The following HSD17B13 variants were observed in gnomAD, a reference collection of about 807,000 sequenced individuals.
HSD17B13 encodes the protein hydroxysteroid 17-beta dehydrogenase 13.
In HSD17B13, 26 loss-of-function variants were observed where a neutral mutation model predicts 31.1. The ratio of observed to expected loss-of-function variants is 0.84; its 90% CI spans 0.61 to 1.16. The LOEUF (loss-of-function observed/expected upper bound fraction) is 1.16. Ranked by LOEUF, HSD17B13 falls within the 50% of genes most tolerant of loss-of-function variation. The probability of loss-of-function intolerance (pLI) is 0.00; values close to 1 mark genes in which losing one functional copy is unlikely to be tolerated. For missense variants in HSD17B13, 374 were observed against 366.5 expected (o/e 1.02, Z -0.17); for synonymous variants, 141 against 133.7 (o/e 1.05, Z -0.38).
intron 3 of HSD17B13, 76 bp downstream of exon 3, chr4:87,317,016 A>G: frequency 6.9e-7 from 1 of 1,450,138 alleles, no homozygotes; most frequent in Non-Finnish European, 9.6e-7. Context: ...GTCCAGAAGT[A>G]TGTGAACTCC....
In HSD17B13 at chr4:87,310,164, ACT is replaced by A. The variant is rs201466064; in HGVS notation, c.812+77_812+78del. The A allele has an allele frequency of 5.4e-3, 7,840 of 1,440,018 alleles. 405 individuals carry two copies. The African/African-American group carries it at 0.11, about 21-fold the overall frequency. The allele number at this position is 1,440,018 out of a possible 1,614,324, so 89.2% of individuals were successfully genotyped here. On this transcript the variant is annotated intron_variant, in intron 6 of 6. Coordinates refer to ENST00000328546, the MANE Select transcript of HSD17B13 (RefSeq NM_178135.5). Reference sequence around the variant, plus strand: ...AATCCAGCCAGGGTGACAGAGTGAGACTCTGTCTAAAAAAAAAAAAAGCAAAA... The same window carrying A: ...AATCCAGCCAGGGTGACAGAGTGAGACTGTCTAAAAAAAAAAAAAGCAAAA...
At chr4:87,310,620 G>C (rs1734510440) in intron 5 of HSD17B13, among the ~76,000 whole-genome samples, 1 of 152,186 alleles carries the variant, frequency 6.6e-6, no homozygotes, top group African/African-American at 2.4e-5. Flanking sequence ...TGGTGGCGAG[G>C]CATTAGATGG....
rs58954508 is a variant in HSD17B13, at chr4:87,322,531, GA to G, written c.210+100del. On this transcript the variant is annotated intron_variant, in intron 1 of 6. Coordinates refer to ENST00000328546, the MANE Select transcript of HSD17B13 (RefSeq NM_178135.5). The stretch of plus-strand genomic sequence containing the variant: ...GGGACCAGGGAATTTATCAAACTTT[GA>G]AAAACAAAAATACAAAGATAAGTAG... 13,104 of 976,438 alleles carry G rather than the reference GA, an allele frequency of 0.013. 1,112 individuals are homozygous for G. The African/African-American group carries it at 0.19, about 14-fold the overall frequency. 60.5% of individuals were successfully genotyped at this position (976,438 alleles called of 1,614,324 possible). A position where few individuals can be genotyped will look rare whatever the true frequency, so the allele number is the denominator to read the frequency against.
chr4:87,317,276 T>A, intron 2 of HSD17B13, 53 bp from the exon 3 acceptor site: 1 of 1,580,544 alleles, frequency 6.3e-7, no homozygotes, highest in Non-Finnish European at 8.7e-7. Context: ...AACTCAAAGT[T>A]TTGGGACCAA....
chr4:87,318,485 TGGA>T, intron 1 of HSD17B13, 49 bp from the exon 2 acceptor site: 1 of 1,498,034 alleles, frequency 6.7e-7, no homozygotes, highest in Non-Finnish European at 9.3e-7. Flanking sequence ...GAGAAGACAT[TGGA>T]GAAGAAAAAT....
chr4:87,305,331 T>C (rs1188949201), intron 6 of HSD17B13, 23 bp from the exon 7 acceptor site: 7 of 1,474,394 alleles, frequency 4.7e-6, no homozygotes, highest in Middle Eastern at 2.1e-4. Context: ...GAAAAAAAAA[T>C]TGAAAAATTT....
At position 87,305,293 on chromosome 4, in the gene HSD17B13, G is replaced by A. The variant is rs934586625; in HGVS notation, c.828C>T (p.Arg276=). 19 of 1,601,696 alleles carry A rather than the reference G, an allele frequency of 1.2e-5. No homozygotes were observed. The highest frequency in any genetic ancestry group is 1.7e-5 in the Admixed American group (1 of 58,750). ...FLRLQKFLPE[R]ASAILNRMQN... ...GCATACGATTTAAAATCGCTGAGGC[G>A]CGTTCAGGAAGAAACCTGTACAAAA... Residue 276 remains arginine (R), a synonymous_variant, in exon 7 of 7, where the codon CGC becomes CGT. Transcript: ENST00000328546.
intron 5 of HSD17B13, among the ~76,000 whole-genome samples, chr4:87,313,059 C>CA (rs112115342): frequency 0.089 from 13,037 of 146,930 alleles, 1,844 homozygotes; most frequent in African/African-American, 0.3. Context: ...GACTCTGTCT[C>CA]AAAAAAAACA....
intron 6 of HSD17B13, among the ~76,000 whole-genome samples, chr4:87,308,647 C>CCACCGCAA (rs1734450256): frequency 6.7e-6 from 1 of 149,810 alleles, no homozygotes; most frequent in African/African-American, 2.4e-5. Flanking sequence ...TGCCACTGCA[C>CCACCGCAA]TCCAGCCTGG....
Position 87,305,409 on chromosome 4 carries a change from T to C in HSD17B13, c.813-101A>G, listed in dbSNP as rs10030142. On this transcript the variant is annotated intron_variant, in intron 6 of 6. Transcript: ENST00000328546. ...TTAGAATACGCTGAGAGTTATCTGG[T>C]TTGCGTTTAACTTTCCTCCGTTCTT... The C allele has an allele frequency of 1.3e-3, 803 of 625,290 alleles. 4 individuals carry two copies. In the African/African-American group the frequency reaches 0.013, roughly 10 times the overall value. The allele number at this position is 625,290 out of a possible 1,614,324, so 38.7% of individuals were successfully genotyped here.
chr4:87,306,949 G>A (rs1387470983), intron 6 of HSD17B13, among the ~76,000 whole-genome samples: 1 of 135,928 alleles, frequency 7.4e-6, no homozygotes, highest in Non-Finnish European at 1.6e-5. Flanking sequence ...GACAGTATGT[G>A]AATGTAAAGA....
At chr4:87,306,022 A>T (rs1247720888) in intron 6 of HSD17B13, among the ~76,000 whole-genome samples, 1 of 152,202 alleles carries the variant, frequency 6.6e-6, no homozygotes, top group Non-Finnish European at 1.5e-5. Flanking sequence ...ACTGAATTTC[A>T]TACAGTTCGT....
chr4:87,320,223 A>C (rs757832715), intron 1 of HSD17B13, among the ~76,000 whole-genome samples: 1 of 152,156 alleles, frequency 6.6e-6, no homozygotes, highest in African/African-American at 2.4e-5. Flanking sequence ...AAGAGTAAAA[A>C]AAGAATAGGA....
chr4:87,316,839 T>C (rs759552222), intron 3 of HSD17B13, among the ~76,000 whole-genome samples: 6 of 152,200 alleles, frequency 3.9e-5, no homozygotes, highest in Non-Finnish European at 7.3e-5. Context: ...TCCTGGTACA[T>C]GCCAAGCTTT....
At position 87,316,753 on chromosome 4, in the gene HSD17B13, A is replaced by G. The variant is rs536183147; in HGVS notation, c.450+339T>C. 7.0e-4 allele frequency among the ~76,000 whole-genome samples: 107 copies of G among 152,328 alleles called. 3 individuals are homozygous for G. The highest frequency in any genetic ancestry group is 2.5e-3 in the African/African-American group (102 of 41,570). On this transcript the variant is annotated intron_variant, in intron 3 of 6. Transcript: ENST00000328546. Reference sequence around the variant, plus strand: ...AAAATCATGGTGTGGAGGGAAAAAAATGAAGTCACAAGTGACAGCATTGAA... The same window carrying G: ...AAAATCATGGTGTGGAGGGAAAAAAGTGAAGTCACAAGTGACAGCATTGAA...
chr4:87,308,485 TAAAAAAAAAAAAAAAAAAAAAAA>T lies in HSD17B13; in HGVS notation c.812+1735_812+1757del, dbSNP rs893354684. On this transcript the variant is annotated intron_variant, in intron 6 of 6. Coordinates refer to ENST00000328546, the MANE Select transcript of HSD17B13 (RefSeq NM_178135.5). The stretch of plus-strand genomic sequence containing the variant: ...TAACAGGGTGAAACCCCGTCTCTAC[TAAAAAAAAAAAAAAAAAAAAAAA>T]AAAAAAAAAAAAAAAAAAAAAAATA... Among the ~76,000 whole-genome samples the T allele has an allele frequency of 6.0e-3, 200 of 33,210 alleles. 4 individuals carry two copies. The highest frequency in any genetic ancestry group is 0.052 in the East Asian group (36 of 692). The allele number at this position is 33,210 out of a possible 152,430, so 21.8% of individuals were successfully genotyped here. A position where few individuals can be genotyped will look rare whatever the true frequency, so the allele number is the denominator to read the frequency against.
intron 2 of HSD17B13, among the ~76,000 whole-genome samples, chr4:87,318,050 T>C (rs1734695292): frequency 6.6e-6 from 1 of 152,192 alleles, no homozygotes. Context: ...AAGTGATCCA[T>C]ATTCCCTGAT....
intron 1 of HSD17B13, among the ~76,000 whole-genome samples, chr4:87,321,888 G>A (rs564805418): frequency 2.6e-5 from 4 of 152,234 alleles, no homozygotes; most frequent in Middle Eastern, 3.4e-3. Context: ...CTAAAATCCT[G>A]TAAACACTTC....
At chr4:87,318,005 T>C (rs1226247534) in intron 2 of HSD17B13, among the ~76,000 whole-genome samples, 1 of 152,144 alleles carries the variant, frequency 6.6e-6, no homozygotes, top group Non-Finnish European at 1.5e-5. Context: ...AAGCTGGAAT[T>C]ACTGCAAAGT....
Sources: gnomAD v4.1 joint callset for allele counts (sites outside exome capture counted in the v4.1 genomes callset) on GRCh38, gnomAD v4.1.1 for gene constraint, MANE v1.5 for transcripts, NCBI Gene and HGNC (gene_info 2026-07-23, HGNC 2026-07-21) for gene names.